Variants in GTF2H3 observed in about 807,000 individuals in gnomAD.
GTF2H3 encodes the protein TFIIH basal transcription factor complex p34 subunit.
In GTF2H3, 42 loss-of-function variants were observed where a neutral mutation model predicts 51.1. That is an observed-to-expected ratio of 0.82 (90% confidence interval 0.64 to 1.06). The LOEUF is 1.06. Among genes scored for constraint, GTF2H3 ranks in the 50% least tolerant of loss-of-function variants. The probability of loss-of-function intolerance (pLI) is 0.00; values close to 1 mark genes in which losing one functional copy is unlikely to be tolerated. For synonymous variants in GTF2H3, 123 were observed against 123.8 expected (o/e 0.99, Z 0.04); for missense variants, 326 against 366.1 (o/e 0.89, Z 0.89).
At chr12:123,633,916 G>C (rs2135770944) in intron 1 of GTF2H3, 44 bp downstream of exon 1, 3 of 1,607,778 alleles carry the variant, frequency 1.9e-6, no homozygotes, top group Non-Finnish European at 1.7e-6. Flanking sequence ...GGGCTCGGCT[G>C]TCTCGGTCCG....
chr12:123,647,808 C>T (rs1955468949), intron 3 of GTF2H3, among the ~76,000 whole-genome samples, 155 bp from the exon 4 acceptor site: 1 of 152,154 alleles, frequency 6.6e-6, no homozygotes, highest in Non-Finnish European at 1.5e-5. Context: ...TTTTATCTTA[C>T]ACATTTTTTT....
At chr12:123,646,084 A>G (rs11572955) in intron 3 of GTF2H3, among the ~76,000 whole-genome samples, 1,765 of 152,318 alleles carry the variant, frequency 0.012, 17 homozygotes, top group Admixed American at 0.019. Flanking sequence ...CACTAGTGTG[A>G]AAACTGGCTG....
intron 2 of GTF2H3, among the ~76,000 whole-genome samples, chr12:123,644,976 CTA>C (rs1279799060): frequency 6.6e-6 from 1 of 152,182 alleles, no homozygotes; most frequent in Non-Finnish European, 1.5e-5. Context: ...AATTAGAAAA[CTA>C]TAGTTTTCAA....
intron 2 of GTF2H3, among the ~76,000 whole-genome samples, chr12:123,643,067 G>A (rs533043493): frequency 1.4e-4 from 21 of 152,200 alleles, no homozygotes; most frequent in African/African-American, 4.8e-4. Context: ...TAGTAGAGAT[G>A]GGGTTTCACC....
At chr12:123,650,921 A>G (rs917795486) in intron 4 of GTF2H3, 73 bp from the exon 5 acceptor site, 5 of 930,654 alleles carry the variant, frequency 5.4e-6, no homozygotes, top group South Asian at 1.4e-5. Flanking sequence ...TACTTAGTTC[A>G]ATAAAGCACC....
chr12:123,639,212 T>A, intron 1 of GTF2H3, 52 bp from the exon 2 acceptor site: 5 of 867,978 alleles, frequency 5.8e-6, no homozygotes, highest in Non-Finnish European at 9.5e-6. Flanking sequence ...TAGCTTTGAT[T>A]CATTTTTATG....
intron 2 of GTF2H3, among the ~76,000 whole-genome samples, chr12:123,641,746 T>G (rs1955378153): frequency 6.6e-6 from 1 of 152,190 alleles, no homozygotes; most frequent in East Asian, 1.9e-4. Context: ...ATTTTTTGGT[T>G]CTTTGTCCTC....
chr12:123,643,386 A>G (rs1817307654), intron 2 of GTF2H3, among the ~76,000 whole-genome samples: 1 of 152,166 alleles, frequency 6.6e-6, no homozygotes, highest in South Asian at 2.1e-4. Context: ...TGGGGAGCGA[A>G]TGGTTAAACA....
At chr12:123,651,294 T>A in intron 5 of GTF2H3, 1 of 333,644 alleles carries the variant, frequency 3.0e-6, no homozygotes, top group Non-Finnish European at 5.6e-6. Context: ...CACTGCAACC[T>A]TCGCCTCCCA....
At position 123,639,304 on chromosome 12, in the gene GTF2H3, C is replaced by T. The variant is rs1425241106; in HGVS notation, c.54C>T (p.Asn18=). ...LNLLVIVVDA[N]PIWWGKQALK... The stretch of plus-strand genomic sequence containing the variant: ...TTCTGGTTATTGTAGTTGATGCCAA[C>T]CCAATTTGGTGGGGAAAGCAAGCAT... The change falls in exon 2 of 13, where the codon AAC becomes AAT. Residue 18 remains asparagine (N), a synonymous_variant. Coordinates refer to ENST00000543341, the MANE Select transcript of GTF2H3 (RefSeq NM_001516.5). The T allele has an allele frequency of 6.3e-7, 1 of 1,589,900 alleles. No individual in the cohort carries two copies. Among genetic ancestry groups the T allele is most frequent in the Admixed American group, 1.7e-5 (1 of 59,948 alleles).
intron 8 of GTF2H3, among the ~76,000 whole-genome samples, chr12:123,655,367 T>A (rs1256301852): frequency 6.6e-6 from 1 of 152,204 alleles, no homozygotes; most frequent in Non-Finnish European, 1.5e-5. Context: ...GTATTTTTAC[T>A]TTGCAAAGAG....
chr12:123,648,254 T>G (rs1955476328), intron 4 of GTF2H3, 128 bp downstream of exon 4: 1 of 620,346 alleles, frequency 1.6e-6, no homozygotes, highest in South Asian at 2.4e-5. Context: ...AAAAATCATT[T>G]TCGTCAAAGT....
intron 2 of GTF2H3, chr12:123,639,981 C>T (rs917373994): frequency 2.2e-6 from 1 of 455,928 alleles, no homozygotes; most frequent in South Asian, 1.5e-5. Flanking sequence ...GCCTCAGCCT[C>T]CCGAGTACTT....
chr12:123,634,578 T>G (rs1338371213), intron 1 of GTF2H3, among the ~76,000 whole-genome samples: 1 of 152,172 alleles, frequency 6.6e-6, no homozygotes, highest in East Asian at 1.9e-4. Flanking sequence ...CTAGGAAAAG[T>G]GCAGGATATT....
intron 1 of GTF2H3, among the ~76,000 whole-genome samples, chr12:123,634,399 AG>A (rs1955242523): frequency 6.6e-6 from 1 of 152,238 alleles, no homozygotes; most frequent in Non-Finnish European, 1.5e-5. Context: ...CTATTATGGC[AG>A]TACTGCACCC....
At chr12:123,659,702 G>A in intron 10 of GTF2H3, 93 bp from the exon 11 acceptor site, 1 of 1,454,316 alleles carries the variant, frequency 6.9e-7, no homozygotes, top group Non-Finnish European at 9.6e-7. Context: ...AATAAATGGA[G>A]GCCTTGGAGT....
At chr12:123,651,817 C>T (rs898868422) in intron 5 of GTF2H3, among the ~76,000 whole-genome samples, 2 of 145,026 alleles carry the variant, frequency 1.4e-5, no homozygotes, top group Admixed American at 1.4e-4. Context: ...GAGACTACAT[C>T]TCAAAAAAAA....
chr12:123,638,950 C>T (rs941737520), intron 1 of GTF2H3, among the ~76,000 whole-genome samples: 12 of 152,064 alleles, frequency 7.9e-5, no homozygotes, highest in Admixed American at 2.0e-4. Flanking sequence ...CGCCCACCAC[C>T]ACGCCCATCT....
rs199831647 is a variant in GTF2H3 at position 123,633,842 on chromosome 12, T to C, written c.-18T>C. 2.4e-5 allele frequency: 38 copies of C among 1,612,884 alleles called. No individual in the cohort carries two copies. Among genetic ancestry groups the C allele is most frequent in the Admixed American group, 1.3e-4 (8 of 60,016 alleles). On this transcript the variant is annotated 5_prime_UTR_variant, in exon 1 of 13. Coordinates refer to ENST00000543341, the MANE Select transcript of GTF2H3 (RefSeq NM_001516.5). ...CCCCTGACCACCACTTGCTCTGCGC[T>C]GAGGTGCTGGGACAGCCATGGTTTC...
Sources: gnomAD v4.1 joint callset for allele counts (sites outside exome capture counted in the v4.1 genomes callset) on GRCh38, gnomAD v4.1.1 for gene constraint, MANE v1.5 for transcripts, NCBI Gene and HGNC (gene_info 2026-07-23, HGNC 2026-07-21) for gene names.